The following NKAIN2 variants were observed in gnomAD, a reference collection of about 807,000 sequenced individuals.
NKAIN2 encodes sodium/potassium transporting ATPase interacting 2.
A neutral mutation model predicts 32.6 loss-of-function variants in NKAIN2; 14 were observed. The ratio of observed to expected loss-of-function variants is 0.43; its 90% CI spans 0.28 to 0.67. The LOEUF (loss-of-function observed/expected upper bound fraction) is 0.67, where lower values mean the gene tolerates loss of function less well. Ranked by LOEUF, NKAIN2 falls within the 30% of genes least tolerant of loss-of-function variation. The pLI, the probability that NKAIN2 is intolerant of heterozygous loss-of-function variation, is 0.17. For missense variants in NKAIN2, 198 were observed against 258.3 expected (o/e 0.77, Z 1.60); for synonymous variants, 80 against 87.2 (o/e 0.92, Z 0.46).
chr6:123,866,589 C>A (rs537396871), intron 1 of NKAIN2, among the ~76,000 whole-genome samples: 10 of 152,236 alleles, frequency 6.6e-5, no homozygotes, highest in African/African-American at 2.4e-4. Context: ...CGCCACCAAG[C>A]CCGGCCAATT....
intron 4 of NKAIN2, among the ~76,000 whole-genome samples, chr6:124,725,818 GC>G (rs1776261539): frequency 6.6e-6 from 1 of 152,220 alleles, no homozygotes; most frequent in Admixed American, 6.5e-5. Flanking sequence ...ACTAGGGAAT[GC>G]CAGACAGTGG....
At chr6:124,715,460 C>G (rs1043603314) in intron 4 of NKAIN2, among the ~76,000 whole-genome samples, 1 of 152,138 alleles carries the variant, frequency 6.6e-6, no homozygotes, top group Non-Finnish European at 1.5e-5. Flanking sequence ...AGCTCTGCTC[C>G]GTGAGCCACT....
At chr6:123,912,987 T>G (rs1775299380) in intron 1 of NKAIN2, among the ~76,000 whole-genome samples, 1 of 152,200 alleles carries the variant, frequency 6.6e-6, no homozygotes, top group African/African-American at 2.4e-5. Context: ...CCTGTAGGCT[T>G]CTTAGACATA....
At chr6:124,513,124 A>G (rs1289502272) in intron 3 of NKAIN2, among the ~76,000 whole-genome samples, 1 of 152,110 alleles carries the variant, frequency 6.6e-6, no homozygotes, top group Non-Finnish European at 1.5e-5. Flanking sequence ...GGCCACACGG[A>G]CTCCTTTTCA....
chr6:124,793,748 A>T (rs1479032821), intron 5 of NKAIN2, among the ~76,000 whole-genome samples: 1 of 151,638 alleles, frequency 6.6e-6, no homozygotes, highest in African/African-American at 2.4e-5. Context: ...GCACATTTAT[A>T]TATTAACATT....
intron 5 of NKAIN2, among the ~76,000 whole-genome samples, chr6:124,799,668 AT>A (rs1327662638): frequency 6.6e-6 from 1 of 152,188 alleles, no homozygotes; most frequent in East Asian, 1.9e-4. Context: ...CAAAAGAGGT[AT>A]TTTTTATGCA....
At chr6:124,649,614 T>C (rs1422629831) in intron 3 of NKAIN2, among the ~76,000 whole-genome samples, 1 of 152,186 alleles carries the variant, frequency 6.6e-6, no homozygotes, top group African/African-American at 2.4e-5. Context: ...ACACAGTCTA[T>C]GATGCTAGCA....
At chr6:124,064,531 G>A (rs1251075976) in intron 1 of NKAIN2, among the ~76,000 whole-genome samples, 1 of 150,904 alleles carries the variant, frequency 6.6e-6, no homozygotes, top group African/African-American at 2.4e-5. Flanking sequence ...GGTGAGATTA[G>A]TTAAAACTAG....
intron 3 of NKAIN2, among the ~76,000 whole-genome samples, chr6:124,360,134 T>G (rs1338070247): frequency 6.6e-6 from 1 of 152,182 alleles, no homozygotes; most frequent in African/African-American, 2.4e-5. Flanking sequence ...CACTTGATCA[T>G]GGTGGATAAG....
intron 1 of NKAIN2, among the ~76,000 whole-genome samples, chr6:124,107,883 A>C (rs558803992): frequency 6.6e-6 from 1 of 152,244 alleles, no homozygotes; most frequent in Non-Finnish European, 1.5e-5. Flanking sequence ...AAGTCTACAT[A>C]ATATTCCATT....
At chr6:124,506,212 C>A (rs1778476464) in intron 3 of NKAIN2, among the ~76,000 whole-genome samples, 2 of 151,866 alleles carry the variant, frequency 1.3e-5, no homozygotes, top group African/African-American at 4.8e-5. Context: ...TTGTTTCCTT[C>A]AGGTGTATTT....
chr6:124,390,952 TA>T (rs1027660871), intron 3 of NKAIN2: 2 of 152,106 alleles, frequency 1.3e-5, no homozygotes, highest in South Asian at 2.1e-4. Flanking sequence ...GAGAAGCATC[TA>T]AAAATATGTT....
At chr6:123,848,972 A>G (rs1775204094) in intron 1 of NKAIN2, among the ~76,000 whole-genome samples, 1 of 152,198 alleles carries the variant, frequency 6.6e-6, no homozygotes, top group Non-Finnish European at 1.5e-5. Flanking sequence ...AAATCATATG[A>G]CATGGTCCTC....
intron 4 of NKAIN2, among the ~76,000 whole-genome samples, chr6:124,703,185 G>A (rs1170793873): frequency 6.6e-6 from 1 of 151,860 alleles, no homozygotes; most frequent in Non-Finnish European, 1.5e-5. Context: ...ACAAACCAAT[G>A]ATCCTTCAAG....
At chr6:124,781,083 T>C (rs1779243372) in intron 4 of NKAIN2, among the ~76,000 whole-genome samples, 1 of 151,854 alleles carries the variant, frequency 6.6e-6, no homozygotes. Context: ...GTGAACTTAA[T>C]TTTAACTTTT....
intron 1 of NKAIN2, among the ~76,000 whole-genome samples, chr6:123,815,477 T>G (rs1217497750): frequency 6.6e-6 from 1 of 152,182 alleles, no homozygotes; most frequent in South Asian, 2.1e-4. Flanking sequence ...GTTAATATTG[T>G]CTTTATTTTT....
At chr6:124,392,598 T>C (rs1773190854) in intron 3 of NKAIN2, among the ~76,000 whole-genome samples, 1 of 152,126 alleles carries the variant, frequency 6.6e-6, no homozygotes, top group Admixed American at 6.5e-5. Flanking sequence ...CTGTAGCAGT[T>C]GCCATTGAAA....
chr6:124,387,648 G>C (rs10484738), intron 3 of NKAIN2, among the ~76,000 whole-genome samples: 56,524 of 151,912 alleles, frequency 0.37, 11,162 homozygotes, highest in South Asian at 0.53. Context: ...TTCAAATCCA[G>C]CGTGCTACCA....
At chr6:124,158,697 A>C (rs564385857) in intron 1 of NKAIN2, among the ~76,000 whole-genome samples, 28 of 152,104 alleles carry the variant, frequency 1.8e-4, no homozygotes, top group Non-Finnish European at 3.5e-4. Context: ...ACTAATGAAG[A>C]CCCTGCAATG....
Sources: gnomAD v4.1 joint callset for allele counts (sites outside exome capture counted in the v4.1 genomes callset) on GRCh38, gnomAD v4.1.1 for gene constraint, MANE v1.5 for transcripts, NCBI Gene and HGNC (gene_info 2026-07-23, HGNC 2026-07-21) for gene names.